TENM1: variants seen among roughly 807,000 people sequenced by gnomAD.
The protein encoded by TENM1 is teneurin transmembrane protein 1.
TENM1 carries 35 observed loss-of-function variants against 174.8 expected under a neutral mutation model. That is an observed-to-expected ratio of 0.20 (90% CI 0.15 to 0.27). TENM1 has a LOEUF of 0.27. Ranked by LOEUF, TENM1 falls within the 10% of genes least tolerant of loss-of-function variation. TENM1 has a pLI of 1.00. For missense variants in TENM1, 1,633 were observed against 2,130.1 expected (o/e 0.77, Z 4.59); for synonymous variants, 781 against 798.7 (o/e 0.98, Z 0.37).
chrX:124,797,514 C>T (rs1326036344), intron 3 of TENM1, among the ~76,000 whole-genome samples: 1 of 110,964 alleles, frequency 9.0e-6, no homozygotes, highest in Non-Finnish European at 1.9e-5. Flanking sequence ...AACTTGGTTG[C>T]ATTTTTCAGA....
At chrX:125,155,869 A>G in the TENM1 span, among the ~76,000 whole-genome samples, 3 of 112,122 alleles carry the variant, frequency 2.7e-5, 1 homozygote, top group Admixed American at 1.9e-4. Flanking sequence ...AAGCTGAGGG[A>G]GCCGGCTCTG....
chrX:124,647,223 C>A (rs997582122), intron 8 of TENM1, among the ~76,000 whole-genome samples: 1 of 111,705 alleles, frequency 9.0e-6, no homozygotes, highest in Admixed American at 9.5e-5. Flanking sequence ...TAGGTTTTAG[C>A]AAATAAAGTT....
the TENM1 span, among the ~76,000 whole-genome samples, chrX:125,187,886 T>C: frequency 8.9e-6 from 1 of 112,123 alleles, no homozygotes; most frequent in Non-Finnish European, 1.9e-5. Context: ...GTAACCACAA[T>C]GTGAGTTGAG....
chrX:124,773,495 A>T (rs1355482483), intron 3 of TENM1, among the ~76,000 whole-genome samples: 1 of 111,236 alleles, frequency 9.0e-6, no homozygotes, highest in Admixed American at 9.6e-5. Flanking sequence ...AATTGAGCTC[A>T]CAATATGTGG....
chrX:125,027,659 G>A, the TENM1 span, among the ~76,000 whole-genome samples: 3 of 102,205 alleles, frequency 2.9e-5, no homozygotes, highest in Non-Finnish European at 6.0e-5. Flanking sequence ...CTGGCGCCAG[G>A]CTGGAGTGCA....
In TENM1 at chrX:124,471,339, ATATAATATATAT is replaced by A. The variant is rs1207303088; in HGVS notation, c.3949+10381_3949+10392del. 7.7e-4 allele frequency among the ~76,000 whole-genome samples: 7 copies of A among 9,035 alleles called. 1 individual carries two copies. The highest frequency in any genetic ancestry group is 1.8e-3 in the African/African-American group (4 of 2,175). The allele number at this position is 9,035 out of a possible 115,157, so 7.8% of individuals were successfully genotyped here. A position where few individuals can be genotyped will look rare whatever the true frequency, so the allele number is the denominator to read the frequency against. ...TATATATTATAATATATAGTACTAT[ATATAATATATAT>A]TATAATATATAGTACTATATATTAT... On this transcript the variant is annotated intron_variant, in intron 22 of 31. Transcript: ENST00000422452.
chrX:125,064,173 G>T, the TENM1 span, among the ~76,000 whole-genome samples: 1 of 109,440 alleles, frequency 9.1e-6, no homozygotes, highest in African/African-American at 3.3e-5. Flanking sequence ...GTGGGGGCAG[G>T]GGGGAGGGAT....
the TENM1 span, among the ~76,000 whole-genome samples, chrX:125,185,938 A>G: frequency 8.9e-6 from 1 of 111,982 alleles, no homozygotes; most frequent in Non-Finnish European, 1.9e-5. Context: ...CTGCTAACAA[A>G]GAATTTCTTA....
chrX:124,438,208 T>C (rs6649227), intron 23 of TENM1, among the ~76,000 whole-genome samples: 27,231 of 110,629 alleles, frequency 0.25, 2,942 homozygotes, highest in East Asian at 0.78. Flanking sequence ...GATTACAGGC[T>C]TGAGCCACTG....
intron 1 of TENM1, among the ~76,000 whole-genome samples, chrX:124,903,974 T>C (rs1445777054): frequency 9.0e-6 from 1 of 111,463 alleles, no homozygotes; most frequent in African/African-American, 3.3e-5. Flanking sequence ...ACCTGAATCC[T>C]TGTTGCCCAT....
chrX:124,959,307 T>G (rs1420119699), intron 1 of TENM1, among the ~76,000 whole-genome samples: 1 of 111,623 alleles, frequency 9.0e-6, no homozygotes, highest in Non-Finnish European at 1.9e-5. Flanking sequence ...CTCTACTGAT[T>G]GGCAGTCAGT....
At chrX:124,706,712 T>C (rs1053688169) in intron 4 of TENM1, among the ~76,000 whole-genome samples, 6 of 112,273 alleles carry the variant, frequency 5.3e-5, no homozygotes, top group African/African-American at 1.6e-4. Context: ...ACTTCTTTTA[T>C]ACAACAAATA....
At position 124,600,748 on chromosome X, in the gene TENM1, A is replaced by G. The variant is rs186468862; in HGVS notation, c.2078-35188T>C. Among the ~76,000 whole-genome samples the G allele has an allele frequency of 1.3e-4, 15 of 111,868 alleles. No homozygotes were observed. In the Admixed American group the frequency reaches 1.4e-3, roughly 11 times the overall value. On this transcript the variant is annotated intron_variant, in intron 11 of 31. Coordinates refer to ENST00000422452, the Ensembl canonical transcript of TENM1. ...AGGGGCTTTGTATAAAATAACCAGT[A>G]TGTAATCTTTAGGAGTATCAGTCAT...
chrX:124,529,733 C>G, intron 16 of TENM1, 131 bp downstream of exon 19: 1 of 862,190 alleles, frequency 1.2e-6, no homozygotes, highest in African/African-American at 2.0e-5. Context: ...ATAAATATCA[C>G]CAATGACTTT....
chrX:124,411,418 C>T (rs935667282), intron 25 of TENM1, among the ~76,000 whole-genome samples: 3 of 110,920 alleles, frequency 2.7e-5, no homozygotes, highest in Non-Finnish European at 5.7e-5. Context: ...AGATATTTCC[C>T]ATGGGTCTGT....
chrX:124,875,873 CAAAA>C (rs60294401), intron 3 of TENM1, among the ~76,000 whole-genome samples: 1 of 56,807 alleles, frequency 1.8e-5, no homozygotes, highest in African/African-American at 6.4e-5. Flanking sequence ...GAGACTGTCT[CAAAA>C]AAAAAAAAAA....
intron 3 of TENM1, among the ~76,000 whole-genome samples, chrX:124,882,762 T>G (rs922060968): frequency 1.2e-4 from 14 of 112,203 alleles, no homozygotes; most frequent in Admixed American, 1.9e-4. Context: ...AATTTTGGCA[T>G]AGTTTTTTTC....
At chrX:124,905,719 G>A (rs1241712354) in intron 1 of TENM1, among the ~76,000 whole-genome samples, 2 of 111,668 alleles carry the variant, frequency 1.8e-5, no homozygotes, top group Non-Finnish European at 3.8e-5. Flanking sequence ...GATAGCTAGA[G>A]TTTGCAGTAC....
chrX:124,685,838 C>T (rs776782430), intron 5 of TENM1, among the ~76,000 whole-genome samples: 17 of 111,630 alleles, frequency 1.5e-4, no homozygotes, highest in Non-Finnish European at 3.0e-4. Context: ...GGATTACAGG[C>T]GTGAGCCACC....
Sources: gnomAD v4.1 joint callset for allele counts (sites outside exome capture counted in the v4.1 genomes callset) on GRCh38, gnomAD v4.1.1 for gene constraint, MANE v1.5 for transcripts, NCBI Gene and HGNC (gene_info 2026-07-23, HGNC 2026-07-21) for gene names.